The following GRIK1 variants were observed in gnomAD, a reference collection of about 807,000 sequenced individuals.
The protein encoded by GRIK1 is glutamate receptor ionotropic, kainate 1.
In GRIK1, 69 loss-of-function variants were observed where a neutral mutation model predicts 105.7. The observed-to-expected ratio is 0.65, with a 90% CI of 0.54 to 0.80. The LOEUF (loss-of-function observed/expected upper bound fraction) is 0.80, where lower values mean the gene tolerates loss of function less well. GRIK1 is among the 30% of genes least tolerant of loss of function. The probability of loss-of-function intolerance (pLI) is 0.00; values close to 1 mark genes in which losing one functional copy is unlikely to be tolerated. For synonymous variants in GRIK1, 438 were observed against 431.3 expected (o/e 1.02, Z -0.19); for missense variants, 1,109 against 1,167.3 (o/e 0.95, Z 0.73).
At chr21:29,576,378 A>T (rs57804739) in intron 14 of GRIK1, among the ~76,000 whole-genome samples, 1 of 152,218 alleles carries the variant, frequency 6.6e-6, no homozygotes, top group Non-Finnish European at 1.5e-5. Context: ...GCCTCCGAAG[A>T]CATTTTGAAA....
rs571231033 is a variant in GRIK1 at position 29,755,942 on chromosome 21, T to C, written c.119-61879A>G. On this transcript the variant is annotated intron_variant, in intron 1 of 17. Coordinates refer to ENST00000327783, the MANE Select transcript of GRIK1 (RefSeq NM_001330994.2). ...GGTTAGAAGAGAAATGCAAAGCATATTTTTACTGTCTGTGATTGAGGCCAT... is the reference window on the plus strand; with the variant it reads ...GGTTAGAAGAGAAATGCAAAGCATACTTTTACTGTCTGTGATTGAGGCCAT... Among the ~76,000 whole-genome samples the C allele has an allele frequency of 1.4e-3, 211 of 152,320 alleles. 1 individual carries two copies. Among genetic ancestry groups the C allele is most frequent in the African/African-American group, 5.0e-3 (209 of 41,580 alleles).
At chr21:29,701,849 G>T (rs1177649623) in intron 1 of GRIK1, among the ~76,000 whole-genome samples, 1 of 152,166 alleles carries the variant, frequency 6.6e-6, no homozygotes, top group Non-Finnish European at 1.5e-5. Context: ...AAATCTGAAG[G>T]ACTTCGGCAG....
chr21:29,744,335 C>T (rs1167327532), intron 1 of GRIK1, among the ~76,000 whole-genome samples: 3 of 152,192 alleles, frequency 2.0e-5, no homozygotes, highest in Non-Finnish European at 4.4e-5. Context: ...CTTTCCCACT[C>T]TCTAGAGATT....
chr21:29,736,056 C>A (rs2064783378), intron 1 of GRIK1, among the ~76,000 whole-genome samples: 1 of 152,062 alleles, frequency 6.6e-6, no homozygotes, highest in Non-Finnish European at 1.5e-5. Context: ...GCAATTAAAA[C>A]TCATTGTAGT....
intron 1 of GRIK1, among the ~76,000 whole-genome samples, chr21:29,706,394 G>A (rs1485476745): frequency 1.3e-5 from 2 of 152,074 alleles, no homozygotes; most frequent in African/African-American, 4.8e-5. Flanking sequence ...CATTTACCAC[G>A]ACACTTTTCC....
At chr21:29,869,678 C>T (rs1206393803) in intron 1 of GRIK1, among the ~76,000 whole-genome samples, 1 of 152,114 alleles carries the variant, frequency 6.6e-6, no homozygotes, top group Non-Finnish European at 1.5e-5. Flanking sequence ...AAACCCCTGC[C>T]CATGTTAAAA....
chr21:29,582,426 TG>T (rs1450782651), intron 12 of GRIK1: 2 of 405,258 alleles, frequency 4.9e-6, no homozygotes, highest in African/African-American at 4.2e-5. Flanking sequence ...TAAACGTTTC[TG>T]GAAAAACAAC....
chr21:29,896,073 A>T (rs536797468), intron 1 of GRIK1, among the ~76,000 whole-genome samples: 2 of 152,258 alleles, frequency 1.3e-5, no homozygotes, highest in African/African-American at 4.8e-5. Flanking sequence ...TTTTCACTAA[A>T]CTGATATTCT....
intron 1 of GRIK1, among the ~76,000 whole-genome samples, chr21:29,731,748 G>A (rs931120080): frequency 3.3e-5 from 5 of 152,110 alleles, no homozygotes; most frequent in Non-Finnish European, 5.9e-5. Context: ...ATGCTCTACC[G>A]CTAGAGGCTT....
At chr21:29,794,832 A>C (rs991997894) in intron 1 of GRIK1, among the ~76,000 whole-genome samples, 2 of 152,054 alleles carry the variant, frequency 1.3e-5, no homozygotes, top group Non-Finnish European at 2.9e-5. Flanking sequence ...AGAGACAACT[A>C]GTGAAAGAGG....
intron 1 of GRIK1, among the ~76,000 whole-genome samples, chr21:29,766,455 G>A (rs1279054478): frequency 6.6e-6 from 1 of 152,040 alleles, no homozygotes; most frequent in Non-Finnish European, 1.5e-5. Context: ...TTGAGGTTGA[G>A]GAATCCTGAG....
intron 1 of GRIK1, among the ~76,000 whole-genome samples, chr21:29,937,258 G>T (rs550297350): frequency 6.6e-6 from 1 of 152,146 alleles, no homozygotes; most frequent in South Asian, 2.1e-4. Context: ...ATTTAAAAGC[G>T]TGCATTGGTC....
intron 7 of GRIK1, among the ~76,000 whole-genome samples, chr21:29,624,302 A>G (rs1174607709): frequency 6.6e-6 from 1 of 152,176 alleles, no homozygotes; most frequent in South Asian, 2.1e-4. Context: ...TCATGACTAG[A>G]CTACTTGAGT....
intron 1 of GRIK1, among the ~76,000 whole-genome samples, chr21:29,915,631 T>C (rs1478713000): frequency 6.6e-6 from 1 of 151,940 alleles, no homozygotes; most frequent in African/African-American, 2.4e-5. Flanking sequence ...TGATGTAAAG[T>C]TAACAACAAC....
intron 14 of GRIK1, among the ~76,000 whole-genome samples, chr21:29,570,434 G>A (rs909889880): frequency 5.3e-5 from 8 of 151,880 alleles, no homozygotes; most frequent in East Asian, 1.9e-4. Context: ...CCTGGGAGGC[G>A]GAGGTCACAG....
intron 1 of GRIK1, among the ~76,000 whole-genome samples, chr21:29,758,251 C>G (rs2065403234): frequency 6.6e-6 from 1 of 152,172 alleles, no homozygotes; most frequent in South Asian, 2.1e-4. Flanking sequence ...TGTTCTCGCG[C>G]TGTTAATAAA....
intron 3 of GRIK1, among the ~76,000 whole-genome samples, chr21:29,678,915 T>C (rs1045548791): frequency 1.3e-5 from 2 of 152,250 alleles, no homozygotes; most frequent in South Asian, 4.1e-4. Context: ...ACTTCAGGCT[T>C]CTGTCAAGAT....
At chr21:29,887,313 G>GGTACA (rs1336815680) in intron 1 of GRIK1, among the ~76,000 whole-genome samples, 1 of 152,088 alleles carries the variant, frequency 6.6e-6, no homozygotes, top group Non-Finnish European at 1.5e-5. Flanking sequence ...AGAATATGGG[G>GGTACA]GTACAGAAGT....
intron 1 of GRIK1, among the ~76,000 whole-genome samples, chr21:29,727,447 T>C (rs772339434): frequency 6.6e-6 from 1 of 152,182 alleles, no homozygotes; most frequent in Non-Finnish European, 1.5e-5. Context: ...TTCTGTGCTG[T>C]CTGCAGTAGA....
Sources: allele counts gnomAD v4.1 joint callset (sites outside exome capture counted in the v4.1 genomes callset), GRCh38; gene constraint gnomAD v4.1.1; transcripts MANE v1.5; gene names NCBI Gene and HGNC (gene_info 2026-07-23, HGNC 2026-07-21).